TMEM71: variants seen among roughly 807,000 people sequenced by gnomAD.
TMEM71 encodes the protein transmembrane protein 71.
Under a neutral mutation model 38.0 loss-of-function variants are expected in TMEM71, and 44 were observed. That is an observed-to-expected ratio of 1.16 (90% CI 0.91 to 1.49). The LOEUF (loss-of-function observed/expected upper bound fraction) is 1.49, where lower values mean the gene tolerates loss of function less well. Among genes scored for constraint, TMEM71 ranks in the 40% most tolerant of loss-of-function variants. TMEM71 has a pLI of 0.00. For synonymous variants in TMEM71, 133 were observed against 122.5 expected, an observed-to-expected ratio of 1.09 and a Z score of -0.56; for missense variants, 367 against 348.6, an observed-to-expected ratio of 1.05 and a Z score of -0.42.
At chr8:132,767,922 C>A in the TMEM71 span, among the ~76,000 whole-genome samples, 1 of 151,904 alleles carries the variant, frequency 6.6e-6, no homozygotes, top group Non-Finnish European at 1.5e-5. Context: ...ATTATGTTGG[C>A]GGTATGAGTT....
intron 5 of TMEM71, 60 bp downstream of exon 5, chr8:132,746,882 G>A: frequency 7.0e-7 from 1 of 1,425,040 alleles, no homozygotes; most frequent in Non-Finnish European, 9.4e-7. Context: ...GAGGACCACA[G>A]GGTTACCACT....
chr8:132,722,783 T>G (rs2131038895), intron 6 of TMEM71, among the ~76,000 whole-genome samples: 1 of 152,314 alleles, frequency 6.6e-6, no homozygotes, highest in Admixed American at 6.5e-5. Flanking sequence ...CTTTGAAAAC[T>G]CTTTGCAATC....
intron 6 of TMEM71, among the ~76,000 whole-genome samples, chr8:132,727,168 C>T (rs1827191547): frequency 6.6e-6 from 1 of 152,036 alleles, no homozygotes; most frequent in Non-Finnish European, 1.5e-5. Flanking sequence ...TGTAGTATGT[C>T]CAATACACAG....
chr8:132,770,564 G>A, the TMEM71 span, among the ~76,000 whole-genome samples: 1 of 152,192 alleles, frequency 6.6e-6, no homozygotes, highest in Admixed American at 6.5e-5. Flanking sequence ...AATGTCTTAA[G>A]CTGTTGGGGA....
chr8:132,724,461 A>G (rs988398675), intron 6 of TMEM71, among the ~76,000 whole-genome samples: 2 of 152,174 alleles, frequency 1.3e-5, no homozygotes, highest in Non-Finnish European at 2.9e-5. Context: ...ACATCCATTT[A>G]TAGGCTCTCT....
chr8:132,734,087 T>C (rs1827610290), intron 5 of TMEM71, among the ~76,000 whole-genome samples: 1 of 152,236 alleles, frequency 6.6e-6, no homozygotes, highest in South Asian at 2.1e-4. Flanking sequence ...AGATCTGCTC[T>C]ACAACGTAGT....
At chr8:132,755,690 C>G (rs1828963504) in intron 3 of TMEM71, among the ~76,000 whole-genome samples, 1 of 152,210 alleles carries the variant, frequency 6.6e-6, no homozygotes, top group Admixed American at 6.5e-5. Flanking sequence ...TACTGAATTT[C>G]TGATATTTTT....
upstream of TMEM71, among the ~76,000 whole-genome samples, chr8:132,762,016 C>T (rs1829305419): frequency 6.6e-6 from 1 of 152,212 alleles, no homozygotes; most frequent in Non-Finnish European, 1.5e-5. Context: ...ACAACCCAGG[C>T]TAGCCCTGCC....
intron 5 of TMEM71, among the ~76,000 whole-genome samples, chr8:132,742,283 T>C (rs949452552): frequency 6.6e-6 from 1 of 152,230 alleles, no homozygotes; most frequent in Non-Finnish European, 1.5e-5. Context: ...CTCGGTCTCT[T>C]GCCTCGGCGC....
chr8:132,772,034 A>C, the TMEM71 span, among the ~76,000 whole-genome samples: 1 of 152,224 alleles, frequency 6.6e-6, no homozygotes, highest in Non-Finnish European at 1.5e-5. Context: ...GTTTCTGCTA[A>C]ACTAACCTTA....
intron 5 of TMEM71, among the ~76,000 whole-genome samples, chr8:132,741,194 C>T (rs1828014368): frequency 6.6e-6 from 1 of 152,092 alleles, no homozygotes; most frequent in Non-Finnish European, 1.5e-5. Flanking sequence ...GAAACCCTGT[C>T]TCTACTAAAA....
chr8:132,714,337 A>G (rs1049247584), intron 7 of TMEM71, 122 bp from the exon 8 acceptor site: 3 of 760,824 alleles, frequency 3.9e-6, no homozygotes, highest in African/African-American at 1.7e-5. Context: ...AGTAATAAAG[A>G]CAGTGGTATT....
chr8:132,748,820 GTGTTTCAAAAC>G (rs1480056370), intron 4 of TMEM71, among the ~76,000 whole-genome samples: 2 of 152,150 alleles, frequency 1.3e-5, no homozygotes, highest in African/African-American at 4.8e-5. Context: ...GTTAAAAGTG[GTGTTTCAAAAC>G]TGATTCGCTA....
chr8:132,746,888 C>G (rs1270746059), intron 5 of TMEM71, 54 bp downstream of exon 5: 1 of 1,468,530 alleles, frequency 6.8e-7, no homozygotes, highest in Non-Finnish European at 9.1e-7. Context: ...CACAGGGTTA[C>G]CACTGCCCAC....
rs182830733 is a variant in TMEM71, at chr8:132,719,522, G to T, written c.752+2518C>A. Among the ~76,000 whole-genome samples, 1,098 of 152,266 alleles carry T rather than the reference G, an allele frequency of 7.2e-3. 9 individuals carry two copies. Among genetic ancestry groups the T allele is most frequent in the South Asian group, 0.033 (159 of 4,818 alleles). On this transcript the variant is annotated intron_variant, in intron 7 of 9. Coordinates refer to ENST00000677595, the MANE Select transcript of TMEM71 (RefSeq NM_001382403.1). ...GCAAATTTTCCCAAATGTACAAAAA[G>T]TCCAAAATCCAAAATACTTCTGGTT...
At chr8:132,765,617 C>T (rs908543977), upstream of TMEM71, among the ~76,000 whole-genome samples, 2 of 152,128 alleles carry the variant, frequency 1.3e-5, no homozygotes, top group African/African-American at 4.8e-5. Context: ...TGATTTCAGG[C>T]TCAGCACCCC....
intron 5 of TMEM71, among the ~76,000 whole-genome samples, chr8:132,746,434 T>TATATACATATATATATAC (rs1563753751): frequency 1.8e-4 from 3 of 16,518 alleles, no homozygotes; most frequent in South Asian, 8.2e-3. Flanking sequence ...TATACATATA[T>TATATACATATATATATAC]ATATACATAT....
chr8:132,750,142 T>G (rs2433062), intron 4 of TMEM71, among the ~76,000 whole-genome samples: 46,134 of 151,906 alleles, frequency 0.3, 7,190 homozygotes, highest in Non-Finnish European at 0.33. Context: ...CTGACTAAAA[T>G]GGATGTAGGA....
At chr8:132,728,311 T>G (rs939549434) in intron 5 of TMEM71, among the ~76,000 whole-genome samples, 3 of 152,150 alleles carry the variant, frequency 2.0e-5, no homozygotes, top group Admixed American at 1.3e-4. Flanking sequence ...CAAAGTCACA[T>G]CTTACATGGA....
Sources: gnomAD v4.1 joint callset for allele counts (sites outside exome capture counted in the v4.1 genomes callset) on GRCh38, gnomAD v4.1.1 for gene constraint, MANE v1.5 for transcripts, NCBI Gene and HGNC (gene_info 2026-07-23, HGNC 2026-07-21) for gene names.